The following PDCD4 variants were observed in gnomAD, a reference collection of about 807,000 sequenced individuals.
The protein encoded by PDCD4 is programmed cell death 4.
A neutral mutation model predicts 54.0 loss-of-function variants in PDCD4; 56 were observed. The ratio of observed to expected loss-of-function variants is 1.04; its 90% CI spans 0.84 to 1.30. The LOEUF is 1.30. Among genes scored for constraint, PDCD4 ranks in the 50% most tolerant of loss-of-function variants. PDCD4 has a pLI of 0.00. For missense variants in PDCD4, 584 were observed against 559.8 expected (o/e 1.04, Z -0.44); for synonymous variants, 186 against 194.8 (o/e 0.95, Z 0.37).
At chr10:110,892,863 G>A (rs977239301) in intron 8 of PDCD4, among the ~76,000 whole-genome samples, 4 of 152,222 alleles carry the variant, frequency 2.6e-5, no homozygotes, top group African/African-American at 9.6e-5. Flanking sequence ...CATCCTGAAA[G>A]CTCTATTCAT....
In PDCD4 at chr10:110,898,260, C is replaced by A; in HGVS notation, c.*172C>A. The stretch of plus-strand genomic sequence containing the variant: ...GGAATTTTTAAAGGAAATGTTTTTT[C>A]TTTTTTTTTTGTTTTTCGAGGGGGC... On this transcript the variant is annotated 3_prime_UTR_variant, in exon 12 of 12. Transcript: ENST00000280154. 2 of 339,784 alleles carry A rather than the reference C, an allele frequency of 5.9e-6. No individual in the cohort carries two copies. The highest frequency in any genetic ancestry group is 1.0e-5 in the Non-Finnish European group (2 of 197,324). The allele number at this position is 339,784 out of a possible 1,614,324, so 21.0% of individuals were successfully genotyped here.
intron 1 of PDCD4, among the ~76,000 whole-genome samples, chr10:110,874,673 A>G (rs1485181406): frequency 6.6e-6 from 1 of 152,180 alleles, no homozygotes; most frequent in Admixed American, 6.5e-5. Context: ...TAGTCTGAGG[A>G]TTATACCATA....
chr10:110,872,621 T>G (rs754537388), intron 1 of PDCD4, among the ~76,000 whole-genome samples: 3 of 152,190 alleles, frequency 2.0e-5, no homozygotes, highest in Non-Finnish European at 2.9e-5. Flanking sequence ...CCGGCCGCTG[T>G]GGGGAGGGGC....
Position 110,887,689 on chromosome 10 carries a change from G to C in PDCD4, c.580G>C (p.Gly194Arg), listed in dbSNP as rs959239636. Residue 194 changes from glycine to arginine, a missense_variant, in exon 6 of 12, where the codon GGT becomes CGT. Coordinates refer to ENST00000280154, the MANE Select transcript of PDCD4 (RefSeq NM_014456.5). Reference protein sequence around the residue: ...VAEMLRDLNLGEMKSGVPVLA... With the variant: ...VAEMLRDLNLREMKSGVPVLA... ...GGAAATGTTAAGAGATTTAAATCTT[G>C]GTGAAATGAAAAGTGGAGTACCAGT... is the stretch of plus-strand genomic sequence containing the variant. The C allele has an allele frequency of 3.1e-6, 5 of 1,611,488 alleles. No individual in the cohort carries two copies. The African/African-American group carries it at 6.7e-5, about 22-fold the overall frequency.
In PDCD4 at chr10:110,894,396, T is replaced by C. The variant is rs201895058; in HGVS notation, c.1099-16T>C. The C allele has an allele frequency of 1.5e-3, 2,038 of 1,322,014 alleles. 7 individuals are homozygous for C. The highest frequency in any genetic ancestry group is 1.4e-3 in the Admixed American group (82 of 57,786). 81.9% of individuals were successfully genotyped at this position (1,322,014 alleles called of 1,614,324 possible). ...TATGAATTAACCAAAAATTCACTCA[T>C]TGATTCAATTTTTAGGCTATTATAA... On this transcript the variant is annotated splice_polypyrimidine_tract_variant and intron_variant, in intron 9 of 11. Coordinates refer to ENST00000280154, the MANE Select transcript of PDCD4 (RefSeq NM_014456.5).
intron 8 of PDCD4, 80 bp from the exon 9 acceptor site, chr10:110,894,011 G>A: frequency 1.3e-6 from 1 of 784,280 alleles, no homozygotes; most frequent in Non-Finnish European, 2.2e-6. Flanking sequence ...ATATTGGAAT[G>A]AGGGCAAATA....
intron 11 of PDCD4, 104 bp downstream of exon 11, chr10:110,896,191 C>T (rs567454531): frequency 8.1e-5 from 68 of 835,988 alleles, no homozygotes; most frequent in Middle Eastern, 2.7e-4. Flanking sequence ...CACTGAAGAA[C>T]GTGACTCTTG....
At chr10:110,894,061 C>A in intron 8 of PDCD4, 30 bp from the exon 9 acceptor site, 2 of 1,317,586 alleles carry the variant, frequency 1.5e-6, no homozygotes, top group Non-Finnish European at 2.2e-6. Context: ...GTTAGGAATT[C>A]TGACACATCT....
At position 110,879,696 on chromosome 10, in the gene PDCD4, G is replaced by A. The variant is rs562120256; in HGVS notation, c.44-1537G>A. 3.2e-4 allele frequency among the ~76,000 whole-genome samples: 49 copies of A among 152,000 alleles called. No individual in the cohort carries two copies. The South Asian group carries it at 6.5e-3, about 20-fold the overall frequency. ...GTTTACATTTTTTGTGACATAATGGGACTACTTTTAAAGGATCTTCAGTGA... is the reference window on the plus strand; with the variant it reads ...GTTTACATTTTTTGTGACATAATGGAACTACTTTTAAAGGATCTTCAGTGA... On this transcript the variant is annotated intron_variant, in intron 2 of 11. Coordinates refer to ENST00000280154, the MANE Select transcript of PDCD4 (RefSeq NM_014456.5).
rs1021504349 is a variant in PDCD4, at chr10:110,899,714, T to C, written c.*1626T>C. 1 of 152,100 alleles carries C rather than the reference T, an allele frequency of 6.6e-6. No individual in the cohort carries two copies. The highest frequency in any genetic ancestry group is 2.4e-5 in the African/African-American group (1 of 41,350). The allele number at this position is 152,100 out of a possible 1,614,324, so 9.4% of individuals were successfully genotyped here. Reference sequence around the variant, plus strand: ...TGGGAGGCTGAGGCAGGAGAATTGCTTGAACCTGGGAGGCAGAGGTTGCAG... The same window carrying C: ...TGGGAGGCTGAGGCAGGAGAATTGCCTGAACCTGGGAGGCAGAGGTTGCAG... On this transcript the variant is annotated 3_prime_UTR_variant, in exon 12 of 12. Coordinates refer to ENST00000280154, the MANE Select transcript of PDCD4 (RefSeq NM_014456.5).
At chr10:110,882,023 G>A (rs766932845) in intron 3 of PDCD4, among the ~76,000 whole-genome samples, 2 of 152,136 alleles carry the variant, frequency 1.3e-5, no homozygotes, top group Non-Finnish European at 2.9e-5. Flanking sequence ...TTTCACTGCT[G>A]TTTCTCTAGT....
rs188158346 is a variant in PDCD4, at chr10:110,888,886, T to G, written c.778-647T>G. The stretch of plus-strand genomic sequence containing the variant: ...AACTTTTTTTCTCCACAAGATAAAT[T>G]CCTTTGATTAGTTTTTGAGAGAACC... On this transcript the variant is annotated intron_variant, in intron 6 of 11. Transcript: ENST00000280154. Among the ~76,000 whole-genome samples the G allele has an allele frequency of 1.1e-4, 17 of 152,286 alleles. No homozygotes were observed. In the East Asian group the frequency reaches 2.9e-3, roughly 26 times the overall value.
At position 110,885,235 on chromosome 10, in the gene PDCD4, T is replaced by A. The variant is rs1590732097; in HGVS notation, c.442-18T>A. On this transcript the variant is annotated intron_variant, in intron 4 of 11. Transcript: ENST00000280154. ...GCATTTTGTTTTTTATAACTCTTAC[T>A]CCCTTTTCCCCTCAAAGGAGAACTG... 1 of 1,147,352 alleles carries A rather than the reference T, an allele frequency of 8.7e-7. No individual in the cohort carries two copies. The highest frequency in any genetic ancestry group is 2.4e-5 in the East Asian group (1 of 41,576). 71.1% of individuals were successfully genotyped at this position (1,147,352 alleles called of 1,614,324 possible).
At chr10:110,876,451 G>A (rs1046976168) in intron 2 of PDCD4, among the ~76,000 whole-genome samples, 13 of 152,130 alleles carry the variant, frequency 8.5e-5, no homozygotes, top group Non-Finnish European at 1.2e-4. Context: ...AGTCAAGTTT[G>A]TGATTTTTAT....
rs1564685632 is a variant in PDCD4, at chr10:110,894,288, T to C, written c.1098+90T>C. ...TGCTTTTTAAATAATGTACATCCTT[T>C]TTTTAATATCAAAGGAGGAAGTGGT... On this transcript the variant is annotated intron_variant, in intron 9 of 11. Coordinates refer to ENST00000280154, the MANE Select transcript of PDCD4 (RefSeq NM_014456.5). The C allele has an allele frequency of 1.3e-5, 12 of 910,712 alleles. No homozygotes were observed. In the East Asian group the frequency reaches 2.7e-4, roughly 20 times the overall value. 56.4% of individuals were successfully genotyped at this position (910,712 alleles called of 1,614,324 possible).
At chr10:110,877,922 C>T (rs1205997342) in intron 2 of PDCD4, among the ~76,000 whole-genome samples, 1 of 152,152 alleles carries the variant, frequency 6.6e-6, no homozygotes, top group African/African-American at 2.4e-5. Context: ...CTGTGAAGCA[C>T]ATACTAGGTA....
chr10:110,875,216 T>G (rs1845483524), intron 1 of PDCD4, among the ~76,000 whole-genome samples: 1 of 152,152 alleles, frequency 6.6e-6, no homozygotes, highest in South Asian at 2.1e-4. Context: ...TCATCAAACC[T>G]TCCAGTATTA....
chr10:110,879,558 C>A (rs2066063594), intron 2 of PDCD4, among the ~76,000 whole-genome samples: 1 of 150,632 alleles, frequency 6.6e-6, no homozygotes, highest in Non-Finnish European at 1.5e-5. Context: ...CCAGCTGGGG[C>A]AGGAGAATGG....
Position 110,896,098 on chromosome 10 carries a change from TA to T in PDCD4, c.1349+14del. ...TCTTTGTCCTTCAAGGTACTTTATT[TA>T]AATACTACTTTCTCAATGTAAAATA... On this transcript the variant is annotated intron_variant, in intron 11 of 11. Coordinates refer to ENST00000280154, the MANE Select transcript of PDCD4 (RefSeq NM_014456.5). 6.4e-7 allele frequency: 1 copy of T among 1,569,456 alleles called. No homozygotes were observed. The highest frequency in any genetic ancestry group is 1.2e-5 in the South Asian group (1 of 86,006).
Sources: gnomAD v4.1 joint callset for allele counts (sites outside exome capture counted in the v4.1 genomes callset) on GRCh38, gnomAD v4.1.1 for gene constraint, MANE v1.5 for transcripts, NCBI Gene and HGNC (gene_info 2026-07-23, HGNC 2026-07-21) for gene names.